MYCBP2: variants seen among roughly 807,000 people sequenced by gnomAD.
MYCBP2 encodes the protein E3 ubiquitin-protein ligase MYCBP2.
MYCBP2 carries 120 observed loss-of-function variants against 525.3 expected under a neutral mutation model. The observed-to-expected ratio is 0.23, with a 90% CI of 0.20 to 0.27. MYCBP2 has a LOEUF of 0.27. Ranked by LOEUF, MYCBP2 falls within the 10% of genes least tolerant of loss-of-function variation. MYCBP2 has a pLI of 1.00. For missense variants in MYCBP2, 4,149 were observed against 5,657.1 expected, an observed-to-expected ratio of 0.73 and a Z score of 8.55; for synonymous variants, 1,894 against 1,955.8, an observed-to-expected ratio of 0.97 and a Z score of 0.83.
chr13:77,158,080 T>A lies in MYCBP2; in HGVS notation c.6627A>T (p.Gly2209=). The change falls in exon 45 of 83, where the codon GGA becomes GGT. Residue 2209 remains glycine (G), a synonymous_variant. Coordinates refer to ENST00000544440, the MANE Select transcript of MYCBP2 (RefSeq NM_015057.5). The stretch of plus-strand genomic sequence containing the variant: ...GTGAATGAGAAAGAGCTAGACCCTT[T>A]CCAAGAATTCCAGAATGGGTTTTGC... ...QVCKTHSGIL[G]KGLALSHSPT... The A allele has an allele frequency of 1.3e-6, 2 of 1,597,344 alleles. No homozygotes were observed. Among genetic ancestry groups the A allele is most frequent in the Middle Eastern group, 1.7e-4 (1 of 6,030 alleles).
chr13:77,245,426 T>A (rs1029689401), intron 15 of MYCBP2, among the ~76,000 whole-genome samples: 3 of 151,986 alleles, frequency 2.0e-5, no homozygotes, highest in African/African-American at 4.8e-5. Context: ...TATGCAGCCA[T>A]AAAAAAGAAT....
At chr13:77,097,168 G>T (rs959693375) in intron 56 of MYCBP2, among the ~76,000 whole-genome samples, 1 of 152,086 alleles carries the variant, frequency 6.6e-6, no homozygotes, top group African/African-American at 2.4e-5. Flanking sequence ...AAGTGAAATA[G>T]CACTAAATGA....
At chr13:77,187,735 GT>G (rs1219266944) in intron 30 of MYCBP2, among the ~76,000 whole-genome samples, 1 of 152,038 alleles carries the variant, frequency 6.6e-6, no homozygotes, top group East Asian at 1.9e-4. Flanking sequence ...GTACTAATAA[GT>G]TTTTTTGCAT....
At chr13:77,177,182 C>T (rs1451471053) in intron 35 of MYCBP2, among the ~76,000 whole-genome samples, 1 of 150,916 alleles carries the variant, frequency 6.6e-6, no homozygotes, top group African/African-American at 2.4e-5. Flanking sequence ...GACTTGTCAT[C>T]AGGGACTTAG....
At position 77,199,027 on chromosome 13, in the gene MYCBP2, G is replaced by A. The variant is rs147596695; in HGVS notation, c.3844-4783C>T. Reference sequence around the variant, plus strand: ...AGTTATTAATTTAGTATTACTGTAGGGGGGGAGGAGGCAAGATGGCTGAAT... The same window carrying A: ...AGTTATTAATTTAGTATTACTGTAGAGGGGGAGGAGGCAAGATGGCTGAAT... On this transcript the variant is annotated intron_variant, in intron 26 of 82. Coordinates refer to ENST00000544440, the MANE Select transcript of MYCBP2 (RefSeq NM_015057.5). 2.2e-3 allele frequency among the ~76,000 whole-genome samples: 335 copies of A among 152,104 alleles called. 1 individual carries two copies. Among genetic ancestry groups the A allele is most frequent in the African/African-American group, 7.7e-3 (318 of 41,506 alleles).
At chr13:77,212,933 C>T (rs2064234044) in intron 21 of MYCBP2, among the ~76,000 whole-genome samples, 1 of 152,166 alleles carries the variant, frequency 6.6e-6, no homozygotes, top group Non-Finnish European at 1.5e-5. Context: ...TCACAGCATT[C>T]TGGAACAAGG....
chr13:77,211,612 T>C (rs1274420678), intron 22 of MYCBP2, among the ~76,000 whole-genome samples: 1 of 152,132 alleles, frequency 6.6e-6, no homozygotes, highest in East Asian at 1.9e-4. Flanking sequence ...CAAAGTTGGA[T>C]TTATATAACC....
At chr13:77,127,924 C>T (rs944034655) in intron 52 of MYCBP2, among the ~76,000 whole-genome samples, 1 of 151,686 alleles carries the variant, frequency 6.6e-6, no homozygotes, top group Non-Finnish European at 1.5e-5. Flanking sequence ...TTTACTTATA[C>T]AAATATGTAC....
At chr13:77,122,977 C>T (rs993744175) in intron 54 of MYCBP2, among the ~76,000 whole-genome samples, 3 of 152,322 alleles carry the variant, frequency 2.0e-5, no homozygotes, top group African/African-American at 7.2e-5. Flanking sequence ...TGCTTCCTCT[C>T]TAGACTAAGA....
At chr13:77,216,433 A>G (rs188983241) in intron 21 of MYCBP2, among the ~76,000 whole-genome samples, 5 of 152,338 alleles carry the variant, frequency 3.3e-5, no homozygotes, top group African/African-American at 1.2e-4. Flanking sequence ...AGGCATCTTA[A>G]AAGTGTCAAC....
chr13:77,326,240 GAC>G lies in MYCBP2; in HGVS notation c.302+232_302+233del, dbSNP rs398023536. ...CACTATCCCCCCACATAGGCAGGCA[GAC>G]ACACACACACACACACACACACACA... is the stretch of plus-strand genomic sequence containing the variant. On this transcript the variant is annotated intron_variant, in intron 1 of 82. Transcript: ENST00000544440. The surrounding 1 kb of genome is among the most constrained non-coding windows in gnomAD (Gnocchi z 4.2). Among the ~76,000 whole-genome samples, 12,479 of 127,576 alleles carry G rather than the reference GAC, an allele frequency of 0.098. 692 individuals carry two copies. Among genetic ancestry groups the G allele is most frequent in the East Asian group, 0.21 (887 of 4,304 alleles). 83.7% of individuals were successfully genotyped at this position (127,576 alleles called of 152,430 possible).
At chr13:77,124,372 T>C (rs1330243011) in intron 54 of MYCBP2, among the ~76,000 whole-genome samples, 1 of 152,224 alleles carries the variant, frequency 6.6e-6, no homozygotes, top group East Asian at 1.9e-4. Context: ...AATTGCCTCT[T>C]GGAATAATAA....
chr13:77,325,433 T>C (rs2154385306), intron 1 of MYCBP2, among the ~76,000 whole-genome samples: 1 of 152,222 alleles, frequency 6.6e-6, no homozygotes, highest in East Asian at 1.9e-4. Context: ...ACCTTCAGGG[T>C]ATGCGGCATG....
In MYCBP2 at chr13:77,051,031, G is replaced by A. The variant is rs2036695892; in HGVS notation, c.13887C>T (p.Ser4629=). Residue 4629 remains serine, a synonymous_variant, in exon 82 of 83, where the codon AGC becomes AGT. Transcript: ENST00000544440. Reference sequence around the variant, plus strand: ...AGTGTGGTAGTTCTTCCTTAGGAATGCTAGTCATTCTTTGAAAATCATCAT... The same window carrying A: ...AGTGTGGTAGTTCTTCCTTAGGAATACTAGTCATTCTTTGAAAATCATCAT... ...ACHDDFQRMT[S]IPKEELPHCP... is the part of the protein sequence containing the mutation. The A allele has an allele frequency of 6.2e-7, 1 of 1,613,112 alleles. No individual in the cohort carries two copies. Among genetic ancestry groups the A allele is most frequent in the Non-Finnish European group, 8.5e-7 (1 of 1,179,710 alleles).
At chr13:77,323,679 C>T (rs1203860551) in intron 1 of MYCBP2, among the ~76,000 whole-genome samples, 4 of 152,202 alleles carry the variant, frequency 2.6e-5, no homozygotes, top group East Asian at 1.9e-4. Flanking sequence ...TCTTGCTCAC[C>T]GCTACATCTT....
At position 77,064,681 on chromosome 13, in the gene MYCBP2, G is replaced by A. The variant is rs376579301; in HGVS notation, c.12606C>T (p.Thr4202=). The change falls in exon 73 of 83, where the codon ACC becomes ACT. Residue 4202 remains threonine, a synonymous_variant. Coordinates refer to ENST00000544440, the MANE Select transcript of MYCBP2 (RefSeq NM_015057.5). ...SRVTKNAIAE[T]IIALTKMEEE... ...CTTCCATCTTGGTCAAGGCAATGAT[G>A]GTTTCTGCAATAGCATTTTTTGTCA... 21 of 1,613,612 alleles carry A rather than the reference G, an allele frequency of 1.3e-5. No individual in the cohort carries two copies. In the African/African-American group the frequency reaches 2.7e-4, roughly 21 times the overall value.
At chr13:77,284,647 T>A (rs189586676) in intron 3 of MYCBP2, among the ~76,000 whole-genome samples, 18 of 152,320 alleles carry the variant, frequency 1.2e-4, no homozygotes, top group Admixed American at 7.2e-4. Context: ...GCATAATTTT[T>A]TTAATAAACT....
chr13:77,301,637 A>C (rs943742661), intron 1 of MYCBP2, among the ~76,000 whole-genome samples: 1 of 152,146 alleles, frequency 6.6e-6, no homozygotes, highest in African/African-American at 2.4e-5. Flanking sequence ...ATGTTCATTC[A>C]TACACAGTGT....
chr13:77,220,561 T>C (rs1232117006), intron 20 of MYCBP2, among the ~76,000 whole-genome samples: 1 of 152,178 alleles, frequency 6.6e-6, no homozygotes, highest in African/African-American at 2.4e-5. Flanking sequence ...ACATTATTAA[T>C]GTGTGCTATA....
Sources: allele counts gnomAD v4.1 joint callset (sites outside exome capture counted in the v4.1 genomes callset), GRCh38; gene constraint gnomAD v4.1.1; non-coding constraint Gnocchi (gnomAD v3.1); transcripts MANE v1.5; gene names NCBI Gene and HGNC (gene_info 2026-07-23, HGNC 2026-07-21).